Variants in TRAT1 observed in about 807,000 individuals in gnomAD.
TRAT1 encodes T cell receptor associated transmembrane adaptor 1.
TRAT1 carries 20 observed loss-of-function variants against 20.0 expected under a neutral mutation model. The ratio of observed to expected loss-of-function variants is 1.00; its 90% CI spans 0.70 to 1.45. The LOEUF (loss-of-function observed/expected upper bound fraction) is 1.45, where lower values mean the gene tolerates loss of function less well. Ranked by LOEUF, TRAT1 falls within the 40% of genes most tolerant of loss-of-function variation. The pLI is 0.00. For missense variants in TRAT1, 237 were observed against 224.1 expected, an observed-to-expected ratio of 1.06 and a Z score of -0.37; for synonymous variants, 77 against 74.2, an observed-to-expected ratio of 1.04 and a Z score of -0.20.
In TRAT1 at chr3:108,842,221, G is replaced by T. The variant is rs1211887744; in HGVS notation, c.152+3254G>T. Among the ~76,000 whole-genome samples the T allele has an allele frequency of 2.0e-5, 3 of 152,296 alleles. No homozygotes were observed. The East Asian group carries it at 5.8e-4, about 29-fold the overall frequency. The stretch of plus-strand genomic sequence containing the variant: ...AGATTTTCATGAACTGCTTCTGGGG[G>T]ACACTGGAGGTGCTTTTATCATAAA... On this transcript the variant is annotated intron_variant, in intron 3 of 5. Coordinates refer to ENST00000295756, the MANE Select transcript of TRAT1 (RefSeq NM_016388.4).
In TRAT1 at chr3:108,853,660, A is replaced by G. The variant is rs1405461748; in HGVS notation, c.344A>G (p.His115Arg). The change falls in exon 6 of 6, where the codon CAC becomes CGC. Residue 115 changes from histidine to arginine, a missense_variant. His to Arg is a conservative substitution (Grantham distance 29). Coordinates refer to ENST00000295756, the MANE Select transcript of TRAT1 (RefSeq NM_016388.4). Reference sequence around the variant, plus strand: ...CAGATGTGCTACGCCTCACTTGATCACAGCGTTAAGGGGAAGCGTAGAAAG... The same window carrying G: ...CAGATGTGCTACGCCTCACTTGATCGCAGCGTTAAGGGGAAGCGTAGAAAG... ...ETQMCYASLD[H>R]SVKGKRRKPR... The G allele has an allele frequency of 1.2e-6, 2 of 1,613,978 alleles. No individual in the cohort carries two copies. Among genetic ancestry groups the G allele is most frequent in the Admixed American group, 3.3e-5 (2 of 59,992 alleles).
intron 3 of TRAT1, among the ~76,000 whole-genome samples, chr3:108,844,857 A>G (rs985762250): frequency 2.7e-5 from 4 of 150,132 alleles, no homozygotes; most frequent in South Asian, 2.1e-4. Context: ...AAAAAAAAAA[A>G]AAAAAAAAAA....
intron 1 of TRAT1, among the ~76,000 whole-genome samples, chr3:108,827,384 A>ATGTGTGTGTGTGTGTG (rs71103493): frequency 3.4e-5 from 5 of 145,218 alleles, no homozygotes; most frequent in African/African-American, 1.0e-4. Flanking sequence ...GTATGTGTGT[A>ATGTGTGTGTGTGTGTG]TGTGTGTGTG....
chr3:108,853,498 G>A (rs1199129783), intron 5 of TRAT1, 122 bp from the exon 6 acceptor site: 14 of 1,150,212 alleles, frequency 1.2e-5, no homozygotes, highest in Non-Finnish European at 1.7e-5. Flanking sequence ...TGACAAATTT[G>A]GCAAAACAAG....
intron 2 of TRAT1, among the ~76,000 whole-genome samples, chr3:108,838,346 TATAGATAGATGATAG>T (rs139811437): frequency 0.2 from 29,120 of 143,264 alleles, 3,106 homozygotes; most frequent in African/African-American, 0.29. Flanking sequence ...AGATGATAGA[TATAGATAGATGATAG>T]ATAGATAGAT....
At position 108,853,765 on chromosome 3, in the gene TRAT1, C is replaced by T. The variant is rs781288166; in HGVS notation, c.449C>T (p.Thr150Ile). ...GCAATAGATGCCAGCGTTTCTAAGA[C>T]CACCTTAGTAGACAGTTTCTCCCCA... is the stretch of plus-strand genomic sequence containing the variant. ...LHAIDASVSK[T>I]TLVDSFSPES... Residue 150 changes from threonine (T) to isoleucine (I), a missense_variant, in exon 6 of 6, where the codon ACC (threonine) becomes ATC (isoleucine). Coordinates refer to ENST00000295756, the MANE Select transcript of TRAT1 (RefSeq NM_016388.4). 5 of 1,614,136 alleles carry T rather than the reference C, an allele frequency of 3.1e-6. No individual in the cohort carries two copies. The highest frequency in any genetic ancestry group is 4.2e-6 in the Non-Finnish European group (5 of 1,179,996).
chr3:108,852,659 T>C (rs1946007916), intron 5 of TRAT1, among the ~76,000 whole-genome samples: 1 of 152,228 alleles, frequency 6.6e-6, no homozygotes, highest in Admixed American at 6.5e-5. Flanking sequence ...CTTAAAGTTT[T>C]AGTCTACAAC....
At chr3:108,833,301 C>A (rs1480667245) in intron 2 of TRAT1, among the ~76,000 whole-genome samples, 3 of 152,120 alleles carry the variant, frequency 2.0e-5, no homozygotes, top group Admixed American at 6.5e-5. Flanking sequence ...GCCTGTAATC[C>A]CAGCTACTCG....
intron 3 of TRAT1, among the ~76,000 whole-genome samples, chr3:108,845,718 T>G (rs1945936775): frequency 6.6e-6 from 1 of 152,122 alleles, no homozygotes; most frequent in Admixed American, 6.6e-5. Context: ...TTTTTTTTCT[T>G]TTGATGAAAT....
chr3:108,833,771 A>G (rs930344070), intron 2 of TRAT1, among the ~76,000 whole-genome samples: 1 of 150,852 alleles, frequency 6.6e-6, no homozygotes, highest in Non-Finnish European at 1.5e-5. Flanking sequence ...GGAAAATACC[A>G]TCTAGACCCT....
rs777213553 is a variant in TRAT1, at chr3:108,849,245, A to G, written c.294A>G (p.Pro98=). The G allele has an allele frequency of 6.8e-6, 11 of 1,613,886 alleles. No individual in the cohort carries two copies. The South Asian group carries it at 1.1e-4, about 16-fold the overall frequency. Residue 98 remains proline (P), a synonymous_variant, in exon 5 of 6, where the codon CCA becomes CCG. Coordinates refer to ENST00000295756, the MANE Select transcript of TRAT1 (RefSeq NM_016388.4). The stretch of plus-strand genomic sequence containing the variant: ...TAAATAAGATGCAGGAAGCCACCCC[A>G]TCTGCACAGGTGAGTTTTGTTTTCT... The part of the protein sequence containing the change: ...KSVNKMQEAT[P]SAQATNETQM...
intron 3 of TRAT1, among the ~76,000 whole-genome samples, chr3:108,842,860 C>T (rs992626255): frequency 3.3e-5 from 5 of 152,164 alleles, no homozygotes; most frequent in Admixed American, 6.5e-5. Context: ...TAGAGAGGCA[C>T]GTGAACACTA....
chr3:108,842,890 A>G (rs1945907644), intron 3 of TRAT1, among the ~76,000 whole-genome samples: 1 of 152,254 alleles, frequency 6.6e-6, no homozygotes, highest in African/African-American at 2.4e-5. Flanking sequence ...ATGAGAATTT[A>G]GTGTTAGATA....
intron 4 of TRAT1, among the ~76,000 whole-genome samples, chr3:108,848,945 A>G (rs978185206): frequency 6.6e-6 from 1 of 152,152 alleles, no homozygotes; most frequent in African/African-American, 2.4e-5. Flanking sequence ...CCAAGGATTT[A>G]TTTTTATCTT....
chr3:108,832,023 C>T (rs1945798955), intron 2 of TRAT1, among the ~76,000 whole-genome samples: 1 of 152,160 alleles, frequency 6.6e-6, no homozygotes, highest in East Asian at 1.9e-4. Context: ...GAACAATGGT[C>T]AGATTGCAGC....
intron 3 of TRAT1, among the ~76,000 whole-genome samples, chr3:108,845,241 T>A (rs1378705913): frequency 6.6e-6 from 1 of 152,226 alleles, no homozygotes; most frequent in African/African-American, 2.4e-5. Flanking sequence ...TTTGAGATGA[T>A]TAATCATTTG....
intron 5 of TRAT1, among the ~76,000 whole-genome samples, 164 bp downstream of exon 5, chr3:108,849,418 A>G (rs1272201966): frequency 6.6e-6 from 1 of 152,232 alleles, no homozygotes; most frequent in South Asian, 2.1e-4. Context: ...AACTCAAACC[A>G]TATTCAAAGA....
At chr3:108,837,896 A>G (rs923252665) in intron 2 of TRAT1, among the ~76,000 whole-genome samples, 7 of 152,306 alleles carry the variant, frequency 4.6e-5, no homozygotes, top group Non-Finnish European at 7.4e-5. Flanking sequence ...TCATGAATCT[A>G]TTGCCTTCAA....
At chr3:108,823,869 T>A (rs749819908) in intron 1 of TRAT1, among the ~76,000 whole-genome samples, 3 of 151,896 alleles carry the variant, frequency 2.0e-5, no homozygotes, top group Non-Finnish European at 4.4e-5. Context: ...TTGTATACAG[T>A]TTTTTTTGTT....
Sources: gnomAD v4.1 joint callset for allele counts (sites outside exome capture counted in the v4.1 genomes callset) on GRCh38, gnomAD v4.1.1 for gene constraint, MANE v1.5 for transcripts, NCBI Gene and HGNC (gene_info 2026-07-23, HGNC 2026-07-21) for gene names.